The following CIB1 variants were observed in gnomAD, a reference collection of about 807,000 sequenced individuals.
The protein encoded by CIB1 is calcium and integrin-binding protein 1.
A neutral mutation model predicts 25.0 loss-of-function variants in CIB1; 19 were observed. The ratio of observed to expected loss-of-function variants is 0.76; its 90% CI spans 0.53 to 1.12. The LOEUF (loss-of-function observed/expected upper bound fraction) is 1.12. CIB1 is among the 50% of genes most tolerant of loss of function. The pLI is 0.00. For synonymous variants in CIB1, 104 were observed against 98.5 expected, an observed-to-expected ratio of 1.06 and a Z score of -0.33; for missense variants, 236 against 242.6, an observed-to-expected ratio of 0.97 and a Z score of 0.18.
chr15:90,256,629 CCTTCCTTCCTTCTTTCTTT>C, the CIB1 span, among the ~76,000 whole-genome samples: 1 of 69,234 alleles, frequency 1.4e-5, no homozygotes, highest in African/African-American at 5.5e-5. Flanking sequence ...TTCCTTCCTT[CCTTCCTTCCTTCTTTCTTT>C]CTCCCTTTCC....
At chr15:90,236,194 A>G (rs1186000743), upstream of CIB1, 1 of 152,044 alleles carries the variant, frequency 6.6e-6, no homozygotes, top group Non-Finnish European at 1.5e-5. Context: ...ATGTGCCACC[A>G]CACCCAGCTA....
intron 3 of CIB1, 144 bp downstream of exon 3, chr15:90,232,075 C>A: frequency 1.6e-6 from 1 of 637,460 alleles, no homozygotes; most frequent in South Asian, 2.3e-5. Context: ...AAGTCCTTGC[C>A]CCTAGAAAAT....
At chr15:90,264,281 C>T in the CIB1 span, among the ~76,000 whole-genome samples, 1 of 152,146 alleles carries the variant, frequency 6.6e-6, no homozygotes, top group Admixed American at 6.5e-5. Flanking sequence ...AAACTCCACT[C>T]ACGGGCTCAA....
At chr15:90,265,199 ACT>A in the CIB1 span, 1 of 1,345,820 alleles carries the variant, frequency 7.4e-7, no homozygotes, top group Admixed American at 3.1e-5. Context: ...CCAGCCATGT[ACT>A]CATTTCTGCT....
the CIB1 span, chr15:90,258,098 G>A: frequency 6.2e-7 from 1 of 1,614,166 alleles, no homozygotes; most frequent in Non-Finnish European, 8.5e-7. Flanking sequence ...GAGAGCTGTG[G>A]GGGGACATCG....
At chr15:90,241,182 G>A in the CIB1 span, 1 of 1,614,196 alleles carries the variant, frequency 6.2e-7, no homozygotes. Context: ...CCCTGGTGCT[G>A]TGGGTTTCGT....
upstream of CIB1, chr15:90,234,142 A>G (rs911315440): frequency 7.1e-6 from 2 of 282,728 alleles, no homozygotes; most frequent in Non-Finnish European, 1.3e-5. Context: ...GGAGCCCGGG[A>G]CTCACGGCCC....
At chr15:90,231,762 T>C (rs922612492) in intron 3 of CIB1, among the ~76,000 whole-genome samples, 6 of 152,190 alleles carry the variant, frequency 3.9e-5, no homozygotes, top group Non-Finnish European at 8.8e-5. Flanking sequence ...AACGTAAGTG[T>C]GGGCAGAGAG....
the CIB1 span, chr15:90,257,971 G>A: frequency 1.4e-6 from 2 of 1,464,574 alleles, no homozygotes; most frequent in Admixed American, 1.8e-5. Flanking sequence ...GTGTGAGGGA[G>A]CCTCCTGCCT....
At chr15:90,241,149 C>G in the CIB1 span, 15 of 1,614,146 alleles carry the variant, frequency 9.3e-6, no homozygotes, top group Non-Finnish European at 1.3e-5. Flanking sequence ...CTACCGTCTA[C>G]GGGAGCTACA....
chr15:90,262,410 T>G, the CIB1 span: 6 of 1,371,092 alleles, frequency 4.4e-6, no homozygotes, highest in Non-Finnish European at 5.7e-6. Context: ...AATTTCCTGC[T>G]CTTTCCTCAT....
the CIB1 span, chr15:90,241,852 C>T: frequency 6.2e-7 from 1 of 1,614,148 alleles, no homozygotes; most frequent in Non-Finnish European, 8.5e-7. Context: ...ATTCTGTGGG[C>T]CCGGAAGTCC....
At chr15:90,255,364 T>C in the CIB1 span, among the ~76,000 whole-genome samples, 577 of 152,288 alleles carry the variant, frequency 3.8e-3, 2 homozygotes, top group African/African-American at 0.013. Context: ...TTTCCTTTTA[T>C]CTTTTGTGTC....
At chr15:90,253,212 G>A in the CIB1 span, 14 of 1,561,656 alleles carry the variant, frequency 9.0e-6, no homozygotes, top group Admixed American at 1.7e-4. Flanking sequence ...TGTTGCTGGT[G>A]TCCATGCTGG....
the CIB1 span, chr15:90,262,577 G>T: frequency 6.5e-7 from 1 of 1,534,920 alleles, no homozygotes; most frequent in Non-Finnish European, 8.7e-7. Context: ...CCAGAACCAG[G>T]GTGAATCAGC....
the CIB1 span, chr15:90,263,272 T>A: frequency 1.2e-6 from 1 of 843,900 alleles, no homozygotes; most frequent in Non-Finnish European, 1.8e-6. Context: ...GAAAGCAGAG[T>A]GCGCTAGCTG....
At chr15:90,247,990 C>A in the CIB1 span, among the ~76,000 whole-genome samples, 1 of 152,072 alleles carries the variant, frequency 6.6e-6, no homozygotes, top group South Asian at 2.1e-4. Context: ...ATCCGCCCAC[C>A]TTGGCCTCCC....
At chr15:90,245,911 G>A in the CIB1 span, 49,188 of 151,884 alleles carry the variant, frequency 0.32, 8,830 homozygotes, top group East Asian at 0.69. Context: ...TTTGTACTCC[G>A]AGCCCTGGGC....
In CIB1 at chr15:90,231,577, G is replaced by C; in HGVS notation, c.196-70C>G. The C allele has an allele frequency of 1.9e-6, 3 of 1,561,300 alleles. No individual in the cohort carries two copies. The Admixed American group carries it at 5.5e-5, about 29-fold the overall frequency. On this transcript the variant is annotated intron_variant, in intron 3 of 6. Coordinates refer to ENST00000328649, the MANE Select transcript of CIB1 (RefSeq NM_006384.4). ...ATTAAAGCCTACCAGAAACTTGAGA[G>C]AGCAGGTCACAGGACCAGCACCAGC...
Sources: gnomAD v4.1 joint callset for allele counts (sites outside exome capture counted in the v4.1 genomes callset) on GRCh38, gnomAD v4.1.1 for gene constraint, MANE v1.5 for transcripts, NCBI Gene and HGNC (gene_info 2026-07-23, HGNC 2026-07-21) for gene names.